IQSEC1: variants seen among roughly 807,000 people sequenced by gnomAD.
IQSEC1 encodes the protein IQ motif and SEC7 domain-containing protein 1.
A neutral mutation model predicts 91.0 loss-of-function variants in IQSEC1; 31 were observed. The observed-to-expected ratio is 0.34, with a 90% confidence interval of 0.26 to 0.46. IQSEC1 has a LOEUF of 0.46. IQSEC1 is among the 20% of genes least tolerant of loss of function. IQSEC1 has a pLI of 1.00. For synonymous variants in IQSEC1, 699 were observed against 662.6 expected (o/e 1.05, Z -0.84); for missense variants, 1,388 against 1,575.6 (o/e 0.88, Z 2.02).
chr3:12,990,365 CACA>C (rs1300778744), intron 1 of IQSEC1, among the ~76,000 whole-genome samples: 6 of 152,198 alleles, frequency 3.9e-5, no homozygotes, highest in Non-Finnish European at 5.9e-5. Context: ...CTCAGTCAGG[CACA>C]ACAAGAACTT....
intron 1 of IQSEC1, among the ~76,000 whole-genome samples, chr3:12,988,859 C>G (rs112549568): frequency 1.5e-3 from 235 of 152,320 alleles, no homozygotes; most frequent in African/African-American, 5.0e-3. Flanking sequence ...AAGGCATGGA[C>G]TCCAAGCTGT....
At chr3:12,905,778 T>C (rs1451272516) in intron 12 of IQSEC1, among the ~76,000 whole-genome samples, 1 of 152,236 alleles carries the variant, frequency 6.6e-6, no homozygotes, top group African/African-American at 2.4e-5. Flanking sequence ...AGGCAGGTCC[T>C]CTCCGTAAGG....
In IQSEC1 at chr3:13,164,370, T is replaced by C. The variant is rs117518205; in HGVS notation, c.273-237A>G. ...GTCTTAGGGTTCCTTTCCCACCCTC[T>C]TCCTGTTTCCATCACCTTGACTGCA... On this transcript the variant is annotated intron_variant, in intron 1 of 15. Transcript: ENST00000648114. Among the ~76,000 whole-genome samples, 53 of 152,326 alleles carry C rather than the reference T, an allele frequency of 3.5e-4. 1 individual carries two copies. The East Asian group carries it at 7.5e-3, about 22-fold the overall frequency.
At chr3:12,962,257 T>G (rs1700288180) in intron 1 of IQSEC1, among the ~76,000 whole-genome samples, 1 of 152,250 alleles carries the variant, frequency 6.6e-6, no homozygotes, top group Non-Finnish European at 1.5e-5. Context: ...GCCCTTGCTA[T>G]GTTACTATGA....
chr3:13,132,904 C>T (rs759786002), intron 2 of IQSEC1, among the ~76,000 whole-genome samples: 4 of 152,192 alleles, frequency 2.6e-5, no homozygotes, highest in Non-Finnish European at 4.4e-5. Context: ...CCACAACCCC[C>T]GAATGCACAG....
intron 1 of IQSEC1, among the ~76,000 whole-genome samples, chr3:13,225,779 C>A (rs1307821108): frequency 6.6e-6 from 1 of 152,096 alleles, no homozygotes; most frequent in Non-Finnish European, 1.5e-5. Flanking sequence ...GGTAGAGGGG[C>A]AATTTAGGTT....
intron 2 of IQSEC1, among the ~76,000 whole-genome samples, chr3:13,163,204 A>G (rs1707209975): frequency 6.6e-6 from 1 of 151,960 alleles, no homozygotes; most frequent in Admixed American, 6.5e-5. Flanking sequence ...AGCCTCCCCC[A>G]GATCTGTCTC....
intron 1 of IQSEC1, among the ~76,000 whole-genome samples, chr3:12,955,438 G>T (rs1047846001): frequency 9.2e-5 from 14 of 152,226 alleles, no homozygotes; most frequent in Non-Finnish European, 1.9e-4. Flanking sequence ...CCAGCTGGCA[G>T]GGGGGCTGTG....
chr3:13,164,643 G>A (rs911074948), intron 1 of IQSEC1, among the ~76,000 whole-genome samples: 3 of 152,288 alleles, frequency 2.0e-5, no homozygotes, highest in Middle Eastern at 3.4e-3. Flanking sequence ...TATTACAAAG[G>A]AGACAACCTT....
At chr3:13,058,881 G>A (rs1364413999) in intron 1 of IQSEC1, among the ~76,000 whole-genome samples, 1 of 152,172 alleles carries the variant, frequency 6.6e-6, no homozygotes, top group Non-Finnish European at 1.5e-5. Flanking sequence ...GCAGGCCTTG[G>A]GTGCCCTCGG....
intron 1 of IQSEC1, among the ~76,000 whole-genome samples, chr3:13,016,359 G>A (rs555806959): frequency 4.5e-4 from 68 of 152,318 alleles, no homozygotes; most frequent in African/African-American, 1.6e-3. Context: ...AACAGTGGCC[G>A]GCCGCCACAT....
At chr3:13,120,960 T>C (rs1706413790) in intron 2 of IQSEC1, among the ~76,000 whole-genome samples, 1 of 152,178 alleles carries the variant, frequency 6.6e-6, no homozygotes, top group African/African-American at 2.4e-5. Context: ...CGTTTACACA[T>C]TTAAACAGGA....
At chr3:13,030,244 T>C (rs891815156) in intron 1 of IQSEC1, among the ~76,000 whole-genome samples, 1 of 152,200 alleles carries the variant, frequency 6.6e-6, no homozygotes, top group Non-Finnish European at 1.5e-5. Flanking sequence ...ATTACGGGCA[T>C]GCACCACCAC....
rs144462778 is a variant in IQSEC1 at position 13,014,701 on chromosome 3, C to T, written c.23+58291G>A. 1.1e-4 allele frequency among the ~76,000 whole-genome samples: 16 copies of T among 152,246 alleles called. No homozygotes were observed. In the East Asian group the frequency reaches 2.9e-3, roughly 28 times the overall value. On this transcript the variant is annotated intron_variant, in intron 1 of 13. Coordinates refer to ENST00000613206, the MANE Select transcript of IQSEC1 (RefSeq NM_001134382.3). ...CTTCCTCTGACCCATCTGTTGAACT[C>T]CCTGATGACCCCAGTGAGCCAGGGG... is the stretch of plus-strand genomic sequence containing the variant.
intron 2 of IQSEC1, among the ~76,000 whole-genome samples, chr3:13,091,669 C>T (rs752106470): frequency 6.6e-6 from 1 of 152,218 alleles, no homozygotes; most frequent in Non-Finnish European, 1.5e-5. Context: ...CTCAGCCTTG[C>T]CCCCGCTGAC....
chr3:13,212,548 G>C (rs1223580222), intron 1 of IQSEC1, among the ~76,000 whole-genome samples: 8 of 152,210 alleles, frequency 5.3e-5, no homozygotes, highest in Non-Finnish European at 1.0e-4. Flanking sequence ...GAATTGCCGG[G>C]TCACAGGGTA....
chr3:13,216,771 G>A (rs534045858), intron 1 of IQSEC1, among the ~76,000 whole-genome samples: 25 of 152,310 alleles, frequency 1.6e-4, no homozygotes, highest in Non-Finnish European at 2.9e-4. Flanking sequence ...ACACCCGGAT[G>A]CACTCTCTTC....
At chr3:13,176,233 C>T (rs964268769) in intron 1 of IQSEC1, among the ~76,000 whole-genome samples, 2 of 152,182 alleles carry the variant, frequency 1.3e-5, no homozygotes, top group African/African-American at 4.8e-5. Flanking sequence ...ATGACTATAG[C>T]CCCCACCCTG....
chr3:12,935,088 C>T lies in IQSEC1; in HGVS notation c.1568+360G>A, dbSNP rs1698047558. Reference sequence around the variant, plus strand: ...CAAAGGCCTTTGTGTCCCACATCACCCCTAGGCCTGACATCCAAAGTTGCG... The same window carrying T: ...CAAAGGCCTTTGTGTCCCACATCACTCCTAGGCCTGACATCCAAAGTTGCG... On this transcript the variant is annotated intron_variant, in intron 3 of 13. Coordinates refer to ENST00000613206, the MANE Select transcript of IQSEC1 (RefSeq NM_001134382.3). This position sits in a 1 kb window ranked among gnomAD's most constrained non-coding sequence, Gnocchi z 8.0. Among the ~76,000 whole-genome samples, 1 of 152,220 alleles carries T rather than the reference C, an allele frequency of 6.6e-6. No homozygotes were observed. Among genetic ancestry groups the T allele is most frequent in the Non-Finnish European group, 1.5e-5 (1 of 68,048 alleles).
Sources: gnomAD v4.1 joint callset for allele counts (sites outside exome capture counted in the v4.1 genomes callset) on GRCh38, gnomAD v4.1.1 for gene constraint, Gnocchi (gnomAD v3.1) non-coding constraint, MANE v1.5 for transcripts, NCBI Gene and HGNC (gene_info 2026-07-23, HGNC 2026-07-21) for gene names.